The following COG6 variants were observed in gnomAD, a reference collection of about 807,000 sequenced individuals.
COG6 encodes the protein conserved oligomeric Golgi complex subunit 6.
A neutral mutation model predicts 88.8 loss-of-function variants in COG6; 74 were observed. That is an observed-to-expected ratio of 0.83 (90% CI 0.69 to 1.01). The LOEUF is 1.01. Ranked by LOEUF, COG6 falls within the 50% of genes least tolerant of loss-of-function variation. The pLI is 0.00. For synonymous variants in COG6, 286 were observed against 278.7 expected (o/e 1.03, Z -0.26); for missense variants, 800 against 797.9 (o/e 1.00, Z -0.03).
chr13:39,789,835 T>C (rs1881889244), exon 19 of COG6: 1 of 153,168 alleles, frequency 6.5e-6, no homozygotes, highest in African/African-American at 2.4e-5. Context: ...GGGCGCACCC[T>C]TCTATAGAAG....
At chr13:39,773,809 A>G (rs1299681022) in intron 18 of COG6, among the ~76,000 whole-genome samples, 1 of 151,964 alleles carries the variant, frequency 6.6e-6, no homozygotes, top group Non-Finnish European at 1.5e-5. Context: ...TGTAAAACCT[A>G]TCATGGTGTA....
intron 12 of COG6, 79 bp from the exon 13 acceptor site, chr13:39,699,422 T>C: frequency 1.4e-6 from 1 of 734,554 alleles, no homozygotes; most frequent in Non-Finnish European, 2.5e-6. Context: ...ATCTAGATCC[T>C]TTTAAAGCAT....
Position 39,679,522 on chromosome 13 carries a change from A to T in COG6, c.541-16A>T, listed in dbSNP as rs1224353112. 4.9e-6 allele frequency: 7 copies of T among 1,420,008 alleles called. No homozygotes were observed. Among genetic ancestry groups the T allele is most frequent in the Non-Finnish European group, 7.0e-6 (7 of 1,003,242 alleles). 88.0% of individuals were successfully genotyped at this position (1,420,008 alleles called of 1,614,324 possible). A position where few individuals can be genotyped will look rare whatever the true frequency, so the allele number is the denominator to read the frequency against. On this transcript the variant is annotated splice_polypyrimidine_tract_variant and intron_variant, in intron 5 of 18. Transcript: ENST00000455146. ...GCCTGAAGCATGGACATAAAGTCACATTCTTAATTTTAAAGGATTTTTTCA... is the reference window on the plus strand; with the variant it reads ...GCCTGAAGCATGGACATAAAGTCACTTTCTTAATTTTAAAGGATTTTTTCA...
At chr13:39,722,835 A>G (rs940076820) in intron 15 of COG6, among the ~76,000 whole-genome samples, 2 of 151,968 alleles carry the variant, frequency 1.3e-5, no homozygotes, top group African/African-American at 4.8e-5. Flanking sequence ...CTGGGCCCTC[A>G]GCTCTTCCCT....
chr13:39,672,781 A>T (rs1462451250), intron 4 of COG6, among the ~76,000 whole-genome samples: 2 of 152,076 alleles, frequency 1.3e-5, no homozygotes, highest in African/African-American at 4.8e-5. Context: ...TTGCTGAATC[A>T]TATATGATAA....
chr13:39,705,350 A>G (rs1877832921), intron 13 of COG6, among the ~76,000 whole-genome samples: 2 of 152,128 alleles, frequency 1.3e-5, no homozygotes, highest in Admixed American at 1.3e-4. Flanking sequence ...ATTTTATTGA[A>G]AGATGTACCT....
intron 4 of COG6, among the ~76,000 whole-genome samples, chr13:39,671,396 C>G (rs188482114): frequency 2.0e-5 from 3 of 147,824 alleles, no homozygotes; most frequent in Admixed American, 1.4e-4. Context: ...TACAAAAGAG[C>G]TTTTTTTTTT....
chr13:39,668,563 C>T (rs558705332), intron 4 of COG6, among the ~76,000 whole-genome samples: 108 of 152,142 alleles, frequency 7.1e-4, no homozygotes, highest in Non-Finnish European at 1.3e-3. Flanking sequence ...CCGAGGTGGG[C>T]GGATCACGAG....
chr13:39,704,927 C>T (rs7336514), intron 13 of COG6, among the ~76,000 whole-genome samples: 152,061 of 152,296 alleles, frequency 1, 75,914 homozygotes, highest in Non-Finnish European at 1. Flanking sequence ...AGATTGCGAC[C>T]GTGTTATGAT....
At chr13:39,735,002 T>A (rs573607234) in intron 18 of COG6, among the ~76,000 whole-genome samples, 1 of 152,106 alleles carries the variant, frequency 6.6e-6, no homozygotes. Flanking sequence ...CTTTTGTAGA[T>A]GAAGTATTTT....
intron 12 of COG6, among the ~76,000 whole-genome samples, chr13:39,694,985 A>ACACC (rs1225271742): frequency 2.0e-5 from 3 of 149,304 alleles, no homozygotes; most frequent in Non-Finnish European, 4.5e-5. Context: ...ACACACACAC[A>ACACC]CACACCCCTT....
At chr13:39,731,224 A>T (rs927905127) in intron 18 of COG6, among the ~76,000 whole-genome samples, 3 of 152,110 alleles carry the variant, frequency 2.0e-5, no homozygotes, top group African/African-American at 4.8e-5. Context: ...CCTTTGGGAC[A>T]CCTATAACCT....
intron 8 of COG6, among the ~76,000 whole-genome samples, chr13:39,682,999 T>C (rs1876404999): frequency 6.6e-6 from 1 of 152,034 alleles, no homozygotes; most frequent in African/African-American, 2.4e-5. Context: ...TCAGAATCTG[T>C]TTATACTATT....
intron 17 of COG6, 98 bp downstream of exon 17, chr13:39,724,659 A>G (rs1420576570): frequency 1.1e-6 from 1 of 899,652 alleles, no homozygotes; most frequent in Non-Finnish European, 1.8e-6. Flanking sequence ...GACACTTTTT[A>G]TCTCTTGACA....
At chr13:39,775,388 A>G (rs1466400349) in intron 18 of COG6, among the ~76,000 whole-genome samples, 1 of 152,208 alleles carries the variant, frequency 6.6e-6, no homozygotes, top group Non-Finnish European at 1.5e-5. Context: ...GATTTGAGAA[A>G]AAGAAAAAGT....
chr13:39,692,847 G>T (rs1406978975), intron 11 of COG6, among the ~76,000 whole-genome samples: 1 of 151,932 alleles, frequency 6.6e-6, no homozygotes, highest in Admixed American at 6.6e-5. Flanking sequence ...ATGTGCCAGG[G>T]TCTGTTCCAA....
chr13:39,661,397 C>T (rs916515485), intron 3 of COG6, among the ~76,000 whole-genome samples: 3 of 152,166 alleles, frequency 2.0e-5, no homozygotes, highest in African/African-American at 7.2e-5. Context: ...GTACATAGAA[C>T]GGTTTCCTCC....
At chr13:39,785,737 T>C (rs1158208085) in intron 18 of COG6, among the ~76,000 whole-genome samples, 1 of 152,218 alleles carries the variant, frequency 6.6e-6, no homozygotes, top group East Asian at 1.9e-4. Context: ...AGACCTCAGC[T>C]GGAAGATTAC....
intron 13 of COG6, among the ~76,000 whole-genome samples, chr13:39,700,528 G>A (rs1166412593): frequency 2.0e-5 from 3 of 151,798 alleles, no homozygotes; most frequent in African/African-American, 7.2e-5. Flanking sequence ...TGCATCAACA[G>A]TTTACTAACA....
Sources: gnomAD v4.1 joint callset for allele counts (sites outside exome capture counted in the v4.1 genomes callset) on GRCh38, gnomAD v4.1.1 for gene constraint, MANE v1.5 for transcripts, NCBI Gene and HGNC (gene_info 2026-07-23, HGNC 2026-07-21) for gene names.